Variants in LAMA2 observed in about 807,000 individuals in gnomAD.
The protein encoded by LAMA2 is laminin subunit alpha 2.
LAMA2 carries 269 observed loss-of-function variants against 364.8 expected under a neutral mutation model. The observed-to-expected ratio is 0.74, with a 90% CI of 0.67 to 0.82. LAMA2 has a LOEUF of 0.82. LAMA2 is among the 40% of genes least tolerant of loss of function. The pLI is 0.00. For synonymous variants in LAMA2, 1,379 were observed against 1,370.6 expected (o/e 1.01, Z -0.14); for missense variants, 3,807 against 3,873.2 (o/e 0.98, Z 0.45).
intron 45 of LAMA2, among the ~76,000 whole-genome samples, chr6:129,447,720 G>T (rs1254737044): frequency 6.6e-6 from 1 of 152,124 alleles, no homozygotes; most frequent in Admixed American, 6.5e-5. Flanking sequence ...AAAGAAGAAT[G>T]AAGGACCCAA....
chr6:129,422,978 A>G (rs1781151464), intron 40 of LAMA2, among the ~76,000 whole-genome samples: 1 of 152,118 alleles, frequency 6.6e-6, no homozygotes, highest in Admixed American at 6.6e-5. Context: ...ATTTACTCAA[A>G]GGATTATACA....
intron 29 of LAMA2, among the ~76,000 whole-genome samples, chr6:129,330,595 T>G (rs1775580619): frequency 3.0e-5 from 2 of 66,428 alleles, no homozygotes; most frequent in African/African-American, 1.1e-4. Flanking sequence ...TTGTTTGGTT[T>G]TTGTTTTTTT....
At chr6:129,503,541 C>A (rs1339592036) in intron 60 of LAMA2, among the ~76,000 whole-genome samples, 1 of 152,220 alleles carries the variant, frequency 6.6e-6, no homozygotes. Context: ...TACCCATAAA[C>A]TGAGGCCAGG....
chr6:129,504,912 T>C lies in LAMA2; in HGVS notation c.8548-288T>C, dbSNP rs111251029. Among the ~76,000 whole-genome samples, 1,263 of 152,256 alleles carry C rather than the reference T, an allele frequency of 8.3e-3. 11 individuals carry two copies. The highest frequency in any genetic ancestry group is 0.014 in the Non-Finnish European group (944 of 68,016). On this transcript the variant is annotated intron_variant, in intron 60 of 64. Coordinates refer to ENST00000421865, the MANE Select transcript of LAMA2 (RefSeq NM_000426.4). Reference sequence around the variant, plus strand: ...CAGGGTTCCTTACAACATTCCTCCCTCTCCACACATATCCACATTTGGCAA... The same window carrying C: ...CAGGGTTCCTTACAACATTCCTCCCCCTCCACACATATCCACATTTGGCAA...
intron 1 of LAMA2, among the ~76,000 whole-genome samples, chr6:128,995,118 G>T (rs1783846660): frequency 1.3e-5 from 2 of 152,100 alleles, no homozygotes; most frequent in Non-Finnish European, 2.9e-5. Context: ...TTTGAATTCG[G>T]TTTTTAAAAC....
Position 129,291,536 on chromosome 6 carries a change from G to T in LAMA2, c.2750-78G>T, listed in dbSNP as rs997913596. 10 of 972,116 alleles carry T rather than the reference G, an allele frequency of 1.0e-5. No homozygotes were observed. In the African/African-American group the frequency reaches 1.6e-4, roughly 16 times the overall value. 60.2% of individuals were successfully genotyped at this position (972,116 alleles called of 1,614,324 possible). On this transcript the variant is annotated intron_variant, in intron 19 of 64. Transcript: ENST00000421865. Reference sequence around the variant, plus strand: ...AACTTAGGCGTCCATGTTACCATGTGGGGTATATTATTATTTAACAAGCCT... The same window carrying T: ...AACTTAGGCGTCCATGTTACCATGTTGGGTATATTATTATTTAACAAGCCT...
chr6:129,242,005 C>T lies in LAMA2; in HGVS notation c.1783-8107C>T, dbSNP rs145744036. ...CTGGCTTCTGCTTTTCTGGGAAATACGTTGTCTGCTATTTCAAAATGCCCT... is the reference window on the plus strand; with the variant it reads ...CTGGCTTCTGCTTTTCTGGGAAATATGTTGTCTGCTATTTCAAAATGCCCT... On this transcript the variant is annotated intron_variant, in intron 12 of 64. Transcript: ENST00000421865. Among the ~76,000 whole-genome samples, 279 of 152,218 alleles carry T rather than the reference C, an allele frequency of 1.8e-3. 3 individuals carry two copies. The highest frequency in any genetic ancestry group is 6.5e-3 in the African/African-American group (268 of 41,546).
chr6:129,115,765 G>A (rs1232330021), intron 4 of LAMA2, among the ~76,000 whole-genome samples: 5 of 152,070 alleles, frequency 3.3e-5, no homozygotes, highest in Admixed American at 3.3e-4. Flanking sequence ...GTAATCTTAG[G>A]TAACTCTTTG....
At chr6:128,927,791 A>G (rs1298143561) in intron 1 of LAMA2, among the ~76,000 whole-genome samples, 1 of 152,238 alleles carries the variant, frequency 6.6e-6, no homozygotes, top group Non-Finnish European at 1.5e-5. Context: ...TAGAAAATAA[A>G]CACTTATTCC....
At chr6:128,905,779 C>G (rs1777418867) in intron 1 of LAMA2, among the ~76,000 whole-genome samples, 1 of 151,520 alleles carries the variant, frequency 6.6e-6, no homozygotes, top group Admixed American at 6.6e-5. Flanking sequence ...TGCTATCCCT[C>G]CCCACTCCCC....
intron 64 of LAMA2, among the ~76,000 whole-genome samples, chr6:129,515,641 C>T (rs1214125880): frequency 6.6e-6 from 1 of 152,072 alleles, no homozygotes; most frequent in Non-Finnish European, 1.5e-5. Flanking sequence ...TAAGTCAGTA[C>T]TTAAAAGTAT....
chr6:129,441,738 G>A (rs1782124599), intron 43 of LAMA2, among the ~76,000 whole-genome samples: 1 of 152,046 alleles, frequency 6.6e-6, no homozygotes, highest in Non-Finnish European at 1.5e-5. Flanking sequence ...TTGCACTTTG[G>A]GAGCCTGAGG....
intron 12 of LAMA2, among the ~76,000 whole-genome samples, chr6:129,217,791 T>C (rs1783522314): frequency 6.6e-6 from 1 of 152,180 alleles, no homozygotes; most frequent in South Asian, 2.1e-4. Context: ...CTACTGTGGA[T>C]AGTCATTCAT....
intron 3 of LAMA2, among the ~76,000 whole-genome samples, chr6:129,066,975 CAG>C (rs1169510846): frequency 2.0e-5 from 3 of 152,110 alleles, no homozygotes; most frequent in Admixed American, 1.3e-4. Flanking sequence ...AAAGAAAACA[CAG>C]GGGAAAAGTT....
At chr6:128,986,574 T>C (rs1460024390) in intron 1 of LAMA2, among the ~76,000 whole-genome samples, 1 of 152,204 alleles carries the variant, frequency 6.6e-6, no homozygotes. Context: ...TAATAACTTA[T>C]TTGCTCTATC....
chr6:128,911,019 GA>G (rs1194354255), intron 1 of LAMA2, among the ~76,000 whole-genome samples: 2 of 151,372 alleles, frequency 1.3e-5, no homozygotes, highest in Non-Finnish European at 2.9e-5. Context: ...TGCGTACTGG[GA>G]GAACCACTGC....
chr6:129,272,378 G>A (rs912635955), intron 17 of LAMA2, among the ~76,000 whole-genome samples: 6 of 152,092 alleles, frequency 3.9e-5, no homozygotes, highest in African/African-American at 9.7e-5. Flanking sequence ...GGTTGATGTG[G>A]GAAAGACATA....
At chr6:129,271,465 T>C (rs1787929060) in intron 17 of LAMA2, among the ~76,000 whole-genome samples, 2 of 13,700 alleles carry the variant, frequency 1.5e-4, no homozygotes, top group Non-Finnish European at 1.1e-3. Context: ...ATTGGGATAC[T>C]TTTTTTTTTT....
At chr6:129,251,076 C>CTCTCTCTATATATA (rs1491468271) in intron 13 of LAMA2, among the ~76,000 whole-genome samples, 8 of 49,804 alleles carry the variant, frequency 1.6e-4, no homozygotes, top group Non-Finnish European at 2.9e-4. Flanking sequence ...CTCTCTCTCT[C>CTCTCTCTATATATA]TATATATATA....
Sources: gnomAD v4.1 joint callset for allele counts (sites outside exome capture counted in the v4.1 genomes callset) on GRCh38, gnomAD v4.1.1 for gene constraint, MANE v1.5 for transcripts, NCBI Gene and HGNC (gene_info 2026-07-23, HGNC 2026-07-21) for gene names.